Variants in CLCN6 observed in about 807,000 individuals in gnomAD.
CLCN6 encodes H(+)/Cl(-) exchange transporter 6.
In CLCN6, 70 loss-of-function variants were observed where a neutral mutation model predicts 109.8. The observed-to-expected ratio is 0.64, with a 90% CI of 0.53 to 0.78. The LOEUF is 0.78. CLCN6 is among the 30% of genes least tolerant of loss of function. The pLI is 0.00. For synonymous variants in CLCN6, 444 were observed against 447.8 expected, an observed-to-expected ratio of 0.99 and a Z score of 0.11; for missense variants, 984 against 1,142.3, an observed-to-expected ratio of 0.86 and a Z score of 2.00.
At position 11,823,850 on chromosome 1, in the gene CLCN6, T is replaced by G; in HGVS notation, c.580+17T>G. The G allele has an allele frequency of 6.2e-7, 1 of 1,613,692 alleles. No individual in the cohort carries two copies. On this transcript the variant is annotated intron_variant, in intron 7 of 22. Coordinates refer to ENST00000346436, the MANE Select transcript of CLCN6 (RefSeq NM_001286.5). ...TGGCTGGAGGTAAGAAGGGTCCAAC[T>G]TGTATCCTTCAAATACTCAAAGGGC...
At chr1:11,833,730 TC>T in intron 14 of CLCN6, 92 bp downstream of exon 14, 2 of 1,579,582 alleles carry the variant, frequency 1.3e-6, no homozygotes, top group Non-Finnish European at 1.7e-6. Context: ...GACCAGGACT[TC>T]TTTGTAACGC....
chr1:11,834,313 G>T lies in CLCN6; in HGVS notation c.1604G>T (p.Arg535Leu), dbSNP rs556741884. 9 of 1,613,922 alleles carry T rather than the reference G, an allele frequency of 5.6e-6. No homozygotes were observed. The highest frequency in any genetic ancestry group is 1.3e-5 in the African/African-American group (1 of 74,866). ...GCGGCTTTCTTGGGCGGGGTGGTCC[G>T]CATGACCATCAGCCTCACGGTCATC... is the stretch of plus-strand genomic sequence containing the variant. Reference protein sequence around the residue: ...GAAAFLGGVVRMTISLTVILI... With the variant: ...GAAAFLGGVVLMTISLTVILI... The change falls in exon 16 of 23, where the codon CGC becomes CTC. Residue 535 changes from arginine to leucine, a missense_variant. Coordinates refer to ENST00000346436, the MANE Select transcript of CLCN6 (RefSeq NM_001286.5). This position sits in a 1 kb window ranked among gnomAD's most constrained non-coding sequence, Gnocchi z 4.5.
intron 10 of CLCN6, 47 bp downstream of exon 10, chr1:11,827,268 C>T (rs968608366): frequency 6.3e-7 from 1 of 1,580,144 alleles, no homozygotes; most frequent in Non-Finnish European, 8.6e-7. Context: ...CCCCGAATTA[C>T]ACTGGGTGTC....
rs368845703 is a variant in CLCN6 at position 11,834,218 on chromosome 1, G to A, written c.1527-18G>A. 28 of 1,606,792 alleles carry A rather than the reference G, an allele frequency of 1.7e-5. No homozygotes were observed. Among genetic ancestry groups the A allele is most frequent in the Admixed American group, 6.8e-5 (4 of 58,942 alleles). On this transcript the variant is annotated intron_variant, in intron 15 of 22. Transcript: ENST00000346436. This position sits in a 1 kb window ranked among gnomAD's most constrained non-coding sequence, Gnocchi z 4.5. ...CAGTGTGGTTCAAAGCCATGTTCTC[G>A]GTGTTTTCCTTCACTAGCTACATTG... is the stretch of plus-strand genomic sequence containing the variant.
chr1:11,827,354 G>T lies in CLCN6; in HGVS notation c.840+133G>T, dbSNP rs923348393. The T allele has an allele frequency of 3.9e-4, 337 of 873,106 alleles. 1 individual carries two copies. Among genetic ancestry groups the T allele is most frequent in the Admixed American group, 2.6e-3 (82 of 31,696 alleles). 54.1% of individuals were successfully genotyped at this position (873,106 alleles called of 1,614,324 possible). On this transcript the variant is annotated intron_variant, in intron 10 of 22. Transcript: ENST00000346436. ...GGATCAGAAACAGCTTTCCTCTTGTGCCCATAACCTCCACACTGGACTTTC... is the reference window on the plus strand; with the variant it reads ...GGATCAGAAACAGCTTTCCTCTTGTTCCCATAACCTCCACACTGGACTTTC...
intron 2 of CLCN6, among the ~76,000 whole-genome samples, chr1:11,811,606 T>C (rs1426997954): frequency 6.6e-6 from 1 of 152,208 alleles, no homozygotes; most frequent in Non-Finnish European, 1.5e-5. Context: ...GGTCTTGAAC[T>C]CCTGGCCTCG....
intron 14 of CLCN6, 103 bp downstream of exon 14, chr1:11,833,741 C>T: frequency 6.4e-7 from 1 of 1,567,320 alleles, no homozygotes; most frequent in South Asian, 1.2e-5. Context: ...CTTTGTAACG[C>T]CCACCCAGAC....
chr1:11,838,775 T>G (rs761387352), intron 22 of CLCN6, 115 bp downstream of exon 22: 1 of 1,481,392 alleles, frequency 6.8e-7, no homozygotes, highest in South Asian at 1.1e-5. Flanking sequence ...GAGGGGAGAG[T>G]GTGGCCCAAC....
At position 11,834,094 on chromosome 1, in the gene CLCN6, A is replaced by ATG; in HGVS notation, c.1526+71_1526+72dup. On this transcript the variant is annotated intron_variant, in intron 15 of 22. Coordinates refer to ENST00000346436, the MANE Select transcript of CLCN6 (RefSeq NM_001286.5). The surrounding 1 kb of genome is among the most constrained non-coding windows in gnomAD (Gnocchi z 4.5). ...TGTGTGCACGTGTGCGTGTGTATGC[A>ATG]TGTGTGTGCGTGTGCGTGCGTTGAT... 6.3e-7 allele frequency: 1 copy of ATG among 1,598,780 alleles called. No individual in the cohort carries two copies. The highest frequency in any genetic ancestry group is 8.5e-7 in the Non-Finnish European group (1 of 1,172,422).
rs771118391 is a variant in CLCN6 at position 11,819,498 on chromosome 1, T to C, written c.290T>C (p.Phe97Ser). Residue 97 changes from phenylalanine (F) to serine (S), a missense_variant, in exon 5 of 23, where the codon TTT (phenylalanine) becomes TCT (serine). Phe to Ser is a radical substitution (Grantham distance 155). Transcript: ENST00000346436. ...TCTTGCTCTTCACAGGTGGGTCTCT[T>C]TGTGGACTTTTTTGTGCGACTCTTC... ...IGVCTGLVGL[F>S]VDFFVRLFTQ... The C allele has an allele frequency of 3.7e-6, 6 of 1,614,042 alleles. No individual in the cohort carries two copies. Among genetic ancestry groups the C allele is most frequent in the Admixed American group, 3.3e-5 (2 of 60,002 alleles).
chr1:11,806,408 C>A, intron 1 of CLCN6, 59 bp downstream of exon 1: 1 of 1,405,930 alleles, frequency 7.1e-7, no homozygotes, highest in South Asian at 1.5e-5. Context: ...CTGAGAGAGG[C>A]GTTGCCGGGG....
At chr1:11,826,907 G>A (rs531249762) in intron 9 of CLCN6, among the ~76,000 whole-genome samples, 182 bp from the exon 10 acceptor site, 11 of 152,292 alleles carry the variant, frequency 7.2e-5, no homozygotes, top group African/African-American at 2.6e-4. Context: ...CTGGTGCTAA[G>A]GTGTGTGGCT....
At position 11,837,076 on chromosome 1, in the gene CLCN6, A is replaced by T. The variant is rs777933673; in HGVS notation, c.2058A>T (p.Leu686=). The T allele has an allele frequency of 3.9e-5, 63 of 1,613,442 alleles. 1 individual carries two copies. Among genetic ancestry groups the T allele is most frequent in the Non-Finnish European group, 5.1e-5 (60 of 1,180,046 alleles). ...TGAAGTCCTACCCATCCAGCGAGCT[A>T]CGGAACATGTGTGATGAGCACATCG... ...QSMKSYPSSE[L]RNMCDEHIAS... The change falls in exon 19 of 23, where the codon CTA becomes CTT. Residue 686 remains leucine, a synonymous_variant. Transcript: ENST00000346436.
chr1:11,841,287 C>T lies in CLCN6; in HGVS notation c.*1064C>T, dbSNP rs1244736571. On this transcript the variant is annotated 3_prime_UTR_variant, in exon 23 of 23. Transcript: ENST00000346436. ...CACAAACACCTCTCTCTCCCCTGCA[C>T]TAGCTGTCCCAAGCTTACATACAGA... 1 of 152,676 alleles carries T rather than the reference C, an allele frequency of 6.5e-6. No individual in the cohort carries two copies. The highest frequency in any genetic ancestry group is 1.9e-4 in the East Asian group (1 of 5,198). The allele number at this position is 152,676 out of a possible 1,614,324, so 9.5% of individuals were successfully genotyped here.
intron 13 of CLCN6, among the ~76,000 whole-genome samples, chr1:11,830,752 TATATATATATATAC>T (rs1289780557): frequency 1.4e-5 from 2 of 139,446 alleles, no homozygotes; most frequent in Non-Finnish European, 3.0e-5. Flanking sequence ...TATATATATA[TATATATATATATAC>T]ACACACACAC....
rs762721989 is a variant in CLCN6 at position 11,829,236 on chromosome 1, G to A, written c.1162G>A (p.Val388Met). The stretch of plus-strand genomic sequence containing the variant: ...CCTTGTGTCTCTGGTAACCACCGTG[G>A]TGGTGTTTGTGGCCTCGATGGTGTT... ...SLLVSLVTTV[V>M]VFVASMVLGE... The change falls in exon 13 of 23, where the codon GTG (valine) becomes ATG (methionine). Residue 388 changes from valine (V) to methionine (M), a missense_variant. Coordinates refer to ENST00000346436, the MANE Select transcript of CLCN6 (RefSeq NM_001286.5). 1 of 1,614,180 alleles carries A rather than the reference G, an allele frequency of 6.2e-7. No homozygotes were observed. Among genetic ancestry groups the A allele is most frequent in the Non-Finnish European group, 8.5e-7 (1 of 1,180,024 alleles).
chr1:11,807,391 T>C (rs1249988163), intron 2 of CLCN6, among the ~76,000 whole-genome samples: 7 of 152,256 alleles, frequency 4.6e-5, no homozygotes, highest in African/African-American at 1.4e-4. Flanking sequence ...TCTGGTGTTT[T>C]TACACGTTTA....
chr1:11,833,853 C>G, intron 14 of CLCN6, 24 bp from the exon 15 acceptor site: 1 of 1,600,226 alleles, frequency 6.2e-7, no homozygotes, highest in African/African-American at 1.3e-5. Flanking sequence ...GGTAGTGGGA[C>G]TCAGGTTGGC....
chr1:11,809,541 C>T (rs181154428), intron 2 of CLCN6, among the ~76,000 whole-genome samples: 41 of 152,238 alleles, frequency 2.7e-4, no homozygotes, highest in African/African-American at 9.1e-4. Context: ...CGACCTCCAC[C>T]CCCGCCTCTG....
Sources: allele counts gnomAD v4.1 joint callset (sites outside exome capture counted in the v4.1 genomes callset), GRCh38; gene constraint gnomAD v4.1.1; non-coding constraint Gnocchi (gnomAD v3.1); transcripts MANE v1.5; gene names NCBI Gene and HGNC (gene_info 2026-07-23, HGNC 2026-07-21).